Variants in TSNARE1 observed in about 807,000 individuals in gnomAD.
TSNARE1 encodes the protein t-SNARE domain-containing protein 1.
A neutral mutation model predicts 62.0 loss-of-function variants in TSNARE1; 49 were observed. That is an observed-to-expected ratio of 0.79 (90% CI 0.63 to 1.00). The LOEUF (loss-of-function observed/expected upper bound fraction) is 1.00, where lower values mean the gene tolerates loss of function less well. Ranked by LOEUF, TSNARE1 falls within the 50% of genes least tolerant of loss-of-function variation. The pLI is 0.00. For synonymous variants in TSNARE1, 328 were observed against 294.4 expected (o/e 1.11, Z -1.17); for missense variants, 755 against 700.1 (o/e 1.08, Z -0.88).
intron 9 of TSNARE1, among the ~76,000 whole-genome samples, chr8:142,304,694 A>G (rs1172665322): frequency 6.6e-6 from 1 of 152,086 alleles, no homozygotes; most frequent in African/African-American, 2.4e-5. Flanking sequence ...TCGCCTGGAG[A>G]GCTCGAGCTG....
At chr8:142,239,712 G>T (rs1443112622) in intron 12 of TSNARE1, among the ~76,000 whole-genome samples, 2 of 152,194 alleles carry the variant, frequency 1.3e-5, no homozygotes, top group African/African-American at 4.8e-5. Flanking sequence ...TGTGATTAGC[G>T]AGTCACGTTA....
Position 142,331,746 on chromosome 8 carries a change from A to G in TSNARE1, c.823+8T>C, listed in dbSNP as rs1420287284. ...GGAGGGGCAGGCCCAGGCCAGACGC[A>G]CACTCACCACTGGAGTTGATTCGGA... On this transcript the variant is annotated splice_region_variant and intron_variant, in intron 5 of 13. Transcript: ENST00000524325. 6 of 1,590,896 alleles carry G rather than the reference A, an allele frequency of 3.8e-6. No individual in the cohort carries two copies.
At chr8:142,400,723 C>T (rs1838228524) in intron 1 of TSNARE1, among the ~76,000 whole-genome samples, 1 of 152,210 alleles carries the variant, frequency 6.6e-6, no homozygotes, top group Admixed American at 6.5e-5. Context: ...CCAAACACCA[C>T]TCAGAGGGAT....
chr8:142,265,996 C>T (rs1455665945), intron 12 of TSNARE1, among the ~76,000 whole-genome samples: 2 of 152,210 alleles, frequency 1.3e-5, no homozygotes, highest in Non-Finnish European at 2.9e-5. Context: ...CAAATATATT[C>T]TACTAGTCAC....
Position 142,344,393 on chromosome 8 carries a change from A to T in TSNARE1, c.318T>A (p.Ala106=). 2 of 1,582,392 alleles carry T rather than the reference A, an allele frequency of 1.3e-6. No individual in the cohort carries two copies. The highest frequency in any genetic ancestry group is 1.7e-6 in the Non-Finnish European group (2 of 1,167,038). The change falls in exon 4 of 14, where the codon GCT becomes GCA. Residue 106 remains alanine, a synonymous_variant. Transcript: ENST00000524325. ...CCGCCATCCGGCCATGGGGCCCAGC[A>T]GCCGAGTCCTTCCTCGGGCCAATGG... ...SPTIGPRKDS[A]AGPHGRMAGP... is the part of the protein sequence containing the mutation.
At chr8:142,221,127 C>A (rs1184641792) in intron 13 of TSNARE1, among the ~76,000 whole-genome samples, 1 of 152,210 alleles carries the variant, frequency 6.6e-6, no homozygotes, top group Non-Finnish European at 1.5e-5. Flanking sequence ...CTCATCTCTG[C>A]ACCTCGGTTT....
chr8:142,221,949 T>A (rs1816274143), intron 13 of TSNARE1, among the ~76,000 whole-genome samples: 1 of 148,908 alleles, frequency 6.7e-6, no homozygotes, highest in African/African-American at 2.5e-5. Flanking sequence ...ACTCACTCAC[T>A]CATCCACTCA....
At chr8:142,244,897 A>G (rs947051178) in intron 12 of TSNARE1, among the ~76,000 whole-genome samples, 1 of 152,256 alleles carries the variant, frequency 6.6e-6, no homozygotes, top group Non-Finnish European at 1.5e-5. Flanking sequence ...CAGAGAGGAC[A>G]TTTGCAACAC....
At position 142,330,931 on chromosome 8, in the gene TSNARE1, G is replaced by A. The variant is rs146364989; in HGVS notation, c.863C>T (p.Pro288Leu). ...LERSLQSLGT[P>L]SDTQELRDSL... Reference sequence around the variant, plus strand: ...GTCCCGAAGCTCCTGCGTGTCACTCGGTGTCCCTAAGGACTGAAGGCTCCG... The same window carrying A: ...GTCCCGAAGCTCCTGCGTGTCACTCAGTGTCCCTAAGGACTGAAGGCTCCG... Residue 288 changes from proline to leucine, a missense_variant, in exon 6 of 14, where the codon CCG (proline) becomes CTG (leucine). Coordinates refer to ENST00000524325, the MANE Select transcript of TSNARE1 (RefSeq NM_145003.5). The A allele has an allele frequency of 3.2e-4, 523 of 1,614,046 alleles. 4 individuals carry two copies. The African/African-American group carries it at 4.6e-3, about 14-fold the overall frequency.
intron 5 of TSNARE1, 67 bp from the exon 6 acceptor site, chr8:142,331,037 G>A: frequency 1.4e-6 from 2 of 1,468,716 alleles, no homozygotes; most frequent in Admixed American, 1.7e-5. Context: ...ACTCCATATG[G>A]GTGGCCCCAC....
intron 13 of TSNARE1, among the ~76,000 whole-genome samples, chr8:142,228,736 G>A (rs1563762259): frequency 2.0e-5 from 3 of 152,206 alleles, no homozygotes; most frequent in Non-Finnish European, 4.4e-5. Context: ...ACACAAAGGA[G>A]ATGCTCAACA....
chr8:142,315,240 T>C, intron 7 of TSNARE1, 148 bp from the exon 8 acceptor site: 1 of 784,074 alleles, frequency 1.3e-6, no homozygotes, highest in Non-Finnish European at 2.1e-6. Context: ...CGTGTCACCG[T>C]CGTCTCCACA....
At chr8:142,331,203 A>C (rs1830979010) in intron 5 of TSNARE1, among the ~76,000 whole-genome samples, 1 of 152,220 alleles carries the variant, frequency 6.6e-6, no homozygotes, top group Non-Finnish European at 1.5e-5. Flanking sequence ...GCTCAGGCCC[A>C]CATGCAGCTC....
At chr8:142,230,443 GGA>G (rs1158070452) in intron 12 of TSNARE1, among the ~76,000 whole-genome samples, 1 of 152,192 alleles carries the variant, frequency 6.6e-6, no homozygotes, top group East Asian at 1.9e-4. Flanking sequence ...GTTTAGAGCA[GGA>G]GAGTGACATG....
At chr8:142,260,724 A>G (rs965103725) in intron 12 of TSNARE1, among the ~76,000 whole-genome samples, 1 of 151,778 alleles carries the variant, frequency 6.6e-6, no homozygotes, top group African/African-American at 2.4e-5. Flanking sequence ...TCCTGGGGGA[A>G]GCACAGAGGG....
rs1823720837 is a variant in TSNARE1 at position 142,291,401 on chromosome 8, T to A, written c.1291-6916A>T. 6.6e-6 allele frequency among the ~76,000 whole-genome samples: 1 copy of A among 152,102 alleles called. No individual in the cohort carries two copies. The highest frequency in any genetic ancestry group is 2.1e-4 in the South Asian group (1 of 4,820). On this transcript the variant is annotated intron_variant, in intron 10 of 13. Transcript: ENST00000524325. This position sits in a 1 kb window ranked among gnomAD's most constrained non-coding sequence, Gnocchi z 4.8. ...AATCAGAACGTAGGAGTGTTCACTC[T>A]CACAGAGCTCTGGTGTGGGCTGAGA...
At position 142,353,685 on chromosome 8, in the gene TSNARE1, G is replaced by A. The variant is rs190686714; in HGVS notation, c.88+952C>T. Among the ~76,000 whole-genome samples the A allele has an allele frequency of 1.8e-3, 280 of 152,250 alleles. 2 individuals carry two copies. Among genetic ancestry groups the A allele is most frequent in the African/African-American group, 6.4e-3 (265 of 41,564 alleles). ...AGGAGCCAGCGAGGGCCCCTCAGCC[G>A]GCCTCATTCCCTGAACAGGCCCCCT... On this transcript the variant is annotated intron_variant, in intron 2 of 13. Coordinates refer to ENST00000524325, the MANE Select transcript of TSNARE1 (RefSeq NM_145003.5).
At chr8:142,251,229 G>A (rs979440384) in intron 12 of TSNARE1, among the ~76,000 whole-genome samples, 5 of 144,812 alleles carry the variant, frequency 3.5e-5, no homozygotes, top group South Asian at 4.6e-4. Flanking sequence ...TCCAGACCCC[G>A]GCCCCCCTGC....
intron 1 of TSNARE1, among the ~76,000 whole-genome samples, chr8:142,381,113 A>G (rs1313607684): frequency 6.6e-6 from 1 of 152,248 alleles, no homozygotes; most frequent in African/African-American, 2.4e-5. Context: ...CCCTGGCCCA[A>G]CTGCTGGGCT....
Sources: allele counts gnomAD v4.1 joint callset (sites outside exome capture counted in the v4.1 genomes callset), GRCh38; gene constraint gnomAD v4.1.1; non-coding constraint Gnocchi (gnomAD v3.1); transcripts MANE v1.5; gene names NCBI Gene and HGNC (gene_info 2026-07-23, HGNC 2026-07-21).